Variants in FAM107B observed in about 807,000 individuals in gnomAD.
FAM107B encodes family with sequence similarity 107 member B, also known as protein FAM107B.
A neutral mutation model predicts 31.5 loss-of-function variants in FAM107B; 21 were observed. The ratio of observed to expected loss-of-function variants is 0.67; its 90% CI spans 0.47 to 0.96. The LOEUF is 0.96. Ranked by LOEUF, FAM107B falls within the 40% of genes least tolerant of loss-of-function variation. The pLI is 0.00. For missense variants in FAM107B, 452 were observed against 377.1 expected (o/e 1.20, Z -1.64); for synonymous variants, 157 against 141.5 (o/e 1.11, Z -0.78).
intron 1 of FAM107B, among the ~76,000 whole-genome samples, chr10:14,771,840 TTGAG>T (rs1338439013): frequency 2.0e-5 from 3 of 152,276 alleles, no homozygotes; most frequent in Non-Finnish European, 2.9e-5. Flanking sequence ...TTAAATGTGA[TTGAG>T]TATCAAGCGA....
At chr10:14,527,349 T>C (rs983064093) in intron 3 of FAM107B, among the ~76,000 whole-genome samples, 2 of 152,172 alleles carry the variant, frequency 1.3e-5, no homozygotes, top group African/African-American at 4.8e-5. Flanking sequence ...AGGAATAGGA[T>C]TACACACTAG....
chr10:14,628,305 G>T (rs950242745), intron 2 of FAM107B, among the ~76,000 whole-genome samples: 1 of 151,826 alleles, frequency 6.6e-6, no homozygotes, highest in African/African-American at 2.4e-5. Flanking sequence ...TTTTAGCAGA[G>T]ATGGGGTTTC....
chr10:14,609,394 G>C (rs545240448), intron 2 of FAM107B, among the ~76,000 whole-genome samples: 1 of 152,256 alleles, frequency 6.6e-6, no homozygotes, highest in South Asian at 2.1e-4. Flanking sequence ...TCAGATTGCT[G>C]GCAGAATTCA....
chr10:14,624,244 C>T (rs1433504626), intron 2 of FAM107B, among the ~76,000 whole-genome samples: 1 of 152,140 alleles, frequency 6.6e-6, no homozygotes, highest in East Asian at 1.9e-4. Flanking sequence ...CCATGAAAGC[C>T]ATCAGAAGAC....
intron 2 of FAM107B, among the ~76,000 whole-genome samples, chr10:14,644,497 A>T (rs539986908): frequency 6.6e-6 from 1 of 152,248 alleles, no homozygotes; most frequent in Non-Finnish European, 1.5e-5. Flanking sequence ...ACATTTGTAC[A>T]TTAACAGAAA....
chr10:14,593,566 C>T (rs1391180734), intron 2 of FAM107B, among the ~76,000 whole-genome samples: 3 of 151,898 alleles, frequency 2.0e-5, no homozygotes, highest in Admixed American at 6.6e-5. Flanking sequence ...CAGTGGCGGG[C>T]ACCTGTAATC....
intron 2 of FAM107B, among the ~76,000 whole-genome samples, chr10:14,662,549 T>G (rs1019617373): frequency 6.6e-6 from 1 of 152,126 alleles, no homozygotes; most frequent in Admixed American, 6.6e-5. Flanking sequence ...GCTAATTTTT[T>G]AATTTTTTTG....
intron 2 of FAM107B, among the ~76,000 whole-genome samples, chr10:14,628,111 G>GGTTTTTTTTT (rs1554841903): frequency 2.2e-5 from 2 of 90,694 alleles, no homozygotes; most frequent in East Asian, 5.5e-4. Flanking sequence ...TTGTTTTGCT[G>GGTTTTTTTTT]GTTTTTTTTT....
intron 2 of FAM107B, among the ~76,000 whole-genome samples, chr10:14,547,460 T>C (rs1227539649): frequency 6.6e-6 from 1 of 152,166 alleles, no homozygotes; most frequent in Non-Finnish European, 1.5e-5. Context: ...TGTTCTAACT[T>C]CCAACCACTC....
intron 3 of FAM107B, among the ~76,000 whole-genome samples, chr10:14,524,064 A>G (rs1845962596): frequency 6.9e-6 from 1 of 144,976 alleles, no homozygotes; most frequent in African/African-American, 2.6e-5. Flanking sequence ...TTTTTGAGAT[A>G]CAGTTTTCCT....
rs867776740 is a variant in FAM107B, at chr10:14,531,201, C to T, written c.470-686G>A. Among the ~76,000 whole-genome samples, 5 of 152,296 alleles carry T rather than the reference C, an allele frequency of 3.3e-5. No homozygotes were observed. The Middle Eastern group carries it at 0.01, about 311-fold the overall frequency. ...CTGCTTCACTGCCTGCTTCGCCCACCGCTGTGCCACATGTATTCCCCTGTT... is the reference window on the plus strand; with the variant it reads ...CTGCTTCACTGCCTGCTTCGCCCACTGCTGTGCCACATGTATTCCCCTGTT... On this transcript the variant is annotated intron_variant, in intron 2 of 4. Transcript: ENST00000181796.
intron 2 of FAM107B, among the ~76,000 whole-genome samples, chr10:14,620,552 T>C (rs747563186): frequency 8.5e-5 from 13 of 152,180 alleles, no homozygotes; most frequent in Non-Finnish European, 1.8e-4. Context: ...ATTATTATAA[T>C]TTAAGTTCTG....
chr10:14,542,185 G>A (rs907218530), intron 2 of FAM107B, among the ~76,000 whole-genome samples: 1 of 150,738 alleles, frequency 6.6e-6, no homozygotes, highest in Non-Finnish European at 1.5e-5. Context: ...CACGAGAATC[G>A]CTTGAACGCA....
chr10:14,593,121 A>G (rs1852073563), intron 2 of FAM107B, among the ~76,000 whole-genome samples: 1 of 152,238 alleles, frequency 6.6e-6, no homozygotes, highest in East Asian at 1.9e-4. Context: ...AAAGATTTGA[A>G]CGAAGTCTTT....
At chr10:14,546,675 G>C (rs1848726367) in intron 2 of FAM107B, among the ~76,000 whole-genome samples, 1 of 152,150 alleles carries the variant, frequency 6.6e-6, no homozygotes, top group Non-Finnish European at 1.5e-5. Flanking sequence ...CATCCTCTAA[G>C]TCCCTACTTC....
chr10:14,774,398 G>C lies in FAM107B; in HGVS notation c.266C>G (p.Ala89Gly), dbSNP rs375826379. 1.2e-5 allele frequency: 19 copies of C among 1,614,044 alleles called. No homozygotes were observed. Among genetic ancestry groups the C allele is most frequent in the Non-Finnish European group, 1.6e-5 (19 of 1,180,026 alleles). ...AGTGCGGTGACTTGAATTCCGATTC[G>C]CACTGCCATTTCTCTCTGCATGGGT... The part of the protein sequence containing the change: ...SSTHAERNGS[A>G]NRNSSHRTAA... The change falls in exon 1 of 5, where the codon GCG (alanine) becomes GGG (glycine). Residue 89 changes from alanine (A) to glycine (G), a missense_variant. Ala to Gly is a moderately conservative substitution (Grantham distance 60). Transcript: ENST00000181796.
In FAM107B at chr10:14,774,551, G is replaced by T. The variant is rs796413202; in HGVS notation, c.113C>A (p.Ala38Asp). 6.2e-7 allele frequency: 1 copy of T among 1,614,194 alleles called. No individual in the cohort carries two copies. Among genetic ancestry groups the T allele is most frequent in the Non-Finnish European group, 8.5e-7 (1 of 1,180,026 alleles). ...AGCCACGCCGGACTGATTGAAGGAA[G>T]CACTCTCCCTCGTATTCCCAAAACA... ...LACFGNTRES[A>D]SFNQSGVADT... is the part of the protein sequence containing the mutation. The change falls in exon 1 of 5, where the codon GCT (alanine) becomes GAT (aspartate). Residue 38 changes from alanine to aspartate, a missense_variant. Transcript: ENST00000181796.
chr10:14,592,434 G>A (rs1204267283), intron 2 of FAM107B, among the ~76,000 whole-genome samples: 5 of 152,130 alleles, frequency 3.3e-5, no homozygotes, highest in Non-Finnish European at 5.9e-5. Flanking sequence ...AATTTATCAC[G>A]TGAATCAAAA....
intron 1 of FAM107B, among the ~76,000 whole-genome samples, chr10:14,732,906 TTAA>T (rs914218116): frequency 1.4e-5 from 2 of 146,392 alleles, no homozygotes; most frequent in African/African-American, 5.0e-5. Flanking sequence ...ATAGAATATA[TTAA>T]TATTATATTA....
Sources: gnomAD v4.1 joint callset for allele counts (sites outside exome capture counted in the v4.1 genomes callset) on GRCh38, gnomAD v4.1.1 for gene constraint, MANE v1.5 for transcripts, NCBI Gene and HGNC (gene_info 2026-07-23, HGNC 2026-07-21) for gene names.